The following NELL1 variants were observed in gnomAD, a reference collection of about 807,000 sequenced individuals.
NELL1 encodes the protein neural EGFL like 1.
NELL1 carries 76 observed loss-of-function variants against 107.4 expected under a neutral mutation model. The ratio of observed to expected loss-of-function variants is 0.71; its 90% CI spans 0.59 to 0.86. The LOEUF (loss-of-function observed/expected upper bound fraction) is 0.86, where lower values mean the gene tolerates loss of function less well. NELL1 is among the 40% of genes least tolerant of loss of function. NELL1 has a pLI of 0.00. For synonymous variants in NELL1, 353 were observed against 341.2 expected (o/e 1.03, Z -0.38); for missense variants, 1,024 against 1,005.5 (o/e 1.02, Z -0.25).
chr11:20,779,284 T>C (rs1420680431), intron 2 of NELL1, among the ~76,000 whole-genome samples: 1 of 152,242 alleles, frequency 6.6e-6, no homozygotes, highest in Non-Finnish European at 1.5e-5. Context: ...ACGCACATTA[T>C]GACTTGGTCC....
chr11:21,378,306 G>C (rs907341056), intron 15 of NELL1, among the ~76,000 whole-genome samples: 3 of 149,982 alleles, frequency 2.0e-5, no homozygotes, highest in Non-Finnish European at 4.4e-5. Flanking sequence ...TCATGTCTCA[G>C]TGTTATTTGA....
chr11:21,505,677 A>G (rs542725464), intron 15 of NELL1, among the ~76,000 whole-genome samples: 1 of 152,306 alleles, frequency 6.6e-6, no homozygotes, highest in African/African-American at 2.4e-5. Flanking sequence ...TTCAAGGTTC[A>G]ATTGAGATAT....
At chr11:21,048,291 G>A (rs993063028) in intron 12 of NELL1, among the ~76,000 whole-genome samples, 5 of 152,018 alleles carry the variant, frequency 3.3e-5, no homozygotes, top group Non-Finnish European at 4.4e-5. Context: ...ATCTACTCAC[G>A]TTTTATACTT....
At chr11:21,403,289 C>A (rs1054403365) in intron 15 of NELL1, among the ~76,000 whole-genome samples, 1 of 151,658 alleles carries the variant, frequency 6.6e-6, no homozygotes, top group Admixed American at 6.6e-5. Context: ...ATATAGTCTA[C>A]CTGTGTCAGT....
At chr11:21,534,656 A>G (rs991528316) in intron 16 of NELL1, 142 bp downstream of exon 16, 3 of 874,390 alleles carry the variant, frequency 3.4e-6, no homozygotes, top group African/African-American at 1.7e-5. Context: ...TTCTCCCTCT[A>G]CAATTCAGGG....
At chr11:20,699,766 A>C (rs1854724058) in intron 2 of NELL1, among the ~76,000 whole-genome samples, 1 of 152,168 alleles carries the variant, frequency 6.6e-6, no homozygotes. Context: ...TTTCTTTTTT[A>C]TATAATGACT....
chr11:21,409,023 C>T (rs1049206604), intron 15 of NELL1, among the ~76,000 whole-genome samples: 102 of 151,928 alleles, frequency 6.7e-4, no homozygotes, highest in South Asian at 2.1e-4. Flanking sequence ...GTCAGTGTGG[C>T]GATTCCTCAG....
chr11:21,508,160 C>G (rs1855341644), intron 15 of NELL1, among the ~76,000 whole-genome samples: 1 of 152,022 alleles, frequency 6.6e-6, no homozygotes, highest in East Asian at 1.9e-4. Flanking sequence ...AGAGACAAGG[C>G]ACAAATTATC....
intron 3 of NELL1, among the ~76,000 whole-genome samples, chr11:20,795,443 A>G (rs1857151463): frequency 6.6e-6 from 1 of 152,240 alleles, no homozygotes; most frequent in Admixed American, 6.5e-5. Context: ...TTAGCAGAGC[A>G]ACAAAGATGA....
intron 14 of NELL1, among the ~76,000 whole-genome samples, chr11:21,250,576 G>T (rs1482442073): frequency 6.6e-6 from 1 of 152,106 alleles, no homozygotes; most frequent in Non-Finnish European, 1.5e-5. Flanking sequence ...GTCATATTTT[G>T]TCTTTGGCTG....
Position 21,021,973 on chromosome 11 carries a change from T to C in NELL1, c.1300+61413T>C, listed in dbSNP as rs145041034. Among the ~76,000 whole-genome samples the C allele has an allele frequency of 5.5e-4, 83 of 152,216 alleles. 2 individuals carry two copies. The highest frequency in any genetic ancestry group is 1.5e-4 in the Non-Finnish European group (10 of 67,984). ...ATTCTTGTTGTAGGGGCTTGTCCTG[T>C]ACATTGTAGGATGTTTAGCATCATC... is the stretch of plus-strand genomic sequence containing the variant. On this transcript the variant is annotated intron_variant, in intron 12 of 19. Transcript: ENST00000357134.
At position 20,960,474 on chromosome 11, in the gene NELL1, C is replaced by T. The variant is rs755883869; in HGVS notation, c.1214C>T (p.Ser405Leu). ...CAEGPKCGEN[S>L]ECKNWNTKAT... ...GAAGGACCTAAATGTGGTGAAAACT[C>T]AGAGTGCAAAAACTGGAATACAAAA... is the stretch of plus-strand genomic sequence containing the variant. The change falls in exon 12 of 20, where the codon TCA becomes TTA. Residue 405 changes from serine to leucine, a missense_variant. Coordinates refer to ENST00000357134, the MANE Select transcript of NELL1 (RefSeq NM_006157.5). The T allele has an allele frequency of 1.7e-5, 28 of 1,613,950 alleles. No individual in the cohort carries two copies. Among genetic ancestry groups the T allele is most frequent in the East Asian group, 2.2e-5 (1 of 44,866 alleles).
intron 15 of NELL1, among the ~76,000 whole-genome samples, chr11:21,492,973 G>A (rs1021126655): frequency 6.6e-6 from 1 of 151,892 alleles, no homozygotes; most frequent in Admixed American, 6.6e-5. Flanking sequence ...GCCAAGAGAT[G>A]TATGAAAAAA....
At chr11:21,019,792 G>A (rs1852655749) in intron 12 of NELL1, among the ~76,000 whole-genome samples, 1 of 152,188 alleles carries the variant, frequency 6.6e-6, no homozygotes, top group East Asian at 1.9e-4. Flanking sequence ...GCATTAGGAT[G>A]CAGAGAACTC....
chr11:21,007,866 C>A (rs756714377), intron 12 of NELL1, among the ~76,000 whole-genome samples: 1 of 152,006 alleles, frequency 6.6e-6, no homozygotes, highest in Non-Finnish European at 1.5e-5. Context: ...AGATACATAG[C>A]TAAAGATGTC....
chr11:21,527,696 C>T lies in NELL1; in HGVS notation c.1646-6678C>T, dbSNP rs374482362. Among the ~76,000 whole-genome samples, 289 of 152,338 alleles carry T rather than the reference C, an allele frequency of 1.9e-3. 1 individual carries two copies. Among genetic ancestry groups the T allele is most frequent in the Non-Finnish European group, 2.9e-3 (194 of 68,026 alleles). On this transcript the variant is annotated intron_variant, in intron 15 of 19. Transcript: ENST00000357134. ...AAAGTAGGGAATTTGATAGTGCAGC[C>T]TTCAGCCTATGGCTGAAACCCTGAG... is the stretch of plus-strand genomic sequence containing the variant.
chr11:21,515,276 ATAGGAGGGGACAGATGG>A (rs1344747065), intron 15 of NELL1, among the ~76,000 whole-genome samples: 6 of 152,196 alleles, frequency 3.9e-5, no homozygotes, highest in Admixed American at 1.3e-4. Flanking sequence ...TGGGAAAATG[ATAGGAGGGGACAGATGG>A]GAGTAGCTTA....
intron 15 of NELL1, among the ~76,000 whole-genome samples, chr11:21,464,125 C>G (rs1286242601): frequency 6.6e-6 from 1 of 151,954 alleles, no homozygotes; most frequent in Non-Finnish European, 1.5e-5. Flanking sequence ...TATGACCTAG[C>G]TTTGGAAATC....
intron 2 of NELL1, among the ~76,000 whole-genome samples, chr11:20,777,531 C>G (rs568992059): frequency 6.6e-6 from 1 of 152,328 alleles, no homozygotes; most frequent in Non-Finnish European, 1.5e-5. Context: ...AATAGTGGGA[C>G]ATGTGCCTCC....
Sources: allele counts gnomAD v4.1 joint callset (sites outside exome capture counted in the v4.1 genomes callset), GRCh38; gene constraint gnomAD v4.1.1; transcripts MANE v1.5; gene names NCBI Gene and HGNC (gene_info 2026-07-23, HGNC 2026-07-21).